Variants in CHRM3 observed in about 807,000 individuals in gnomAD.
The protein encoded by CHRM3 is cholinergic receptor muscarinic 3.
A neutral mutation model predicts 41.8 loss-of-function variants in CHRM3; 11 were observed. That is an observed-to-expected ratio of 0.26 (90% CI 0.17 to 0.44). The LOEUF is 0.44. CHRM3 is among the 20% of genes least tolerant of loss of function. The probability of loss-of-function intolerance (pLI) is 1.00; values close to 1 mark genes in which losing one functional copy is unlikely to be tolerated. For missense variants in CHRM3, 571 were observed against 745.4 expected (o/e 0.77, Z 2.72); for synonymous variants, 297 against 301.4 (o/e 0.99, Z 0.15).
chr1:239,778,877 C>T (rs549208670), intron 5 of CHRM3, among the ~76,000 whole-genome samples: 10 of 152,082 alleles, frequency 6.6e-5, no homozygotes, highest in East Asian at 1.9e-4. Context: ...TTGCAATGAC[C>T]GTATAAAGTC....
At chr1:239,792,005 T>G (rs1442338660) in intron 5 of CHRM3, among the ~76,000 whole-genome samples, 1 of 152,204 alleles carries the variant, frequency 6.6e-6, no homozygotes, top group Non-Finnish European at 1.5e-5. Flanking sequence ...AAGAGTTCAT[T>G]GAGAAGGAGA....
At chr1:239,839,070 T>C (rs1019871261) in intron 6 of CHRM3, among the ~76,000 whole-genome samples, 1 of 152,204 alleles carries the variant, frequency 6.6e-6, no homozygotes, top group Non-Finnish European at 1.5e-5. Flanking sequence ...ACATATCTTC[T>C]TCCATTCGAT....
intron 3 of CHRM3, among the ~76,000 whole-genome samples, chr1:239,566,785 G>A (rs865960796): frequency 4.6e-5 from 7 of 152,160 alleles, no homozygotes; most frequent in Admixed American, 2.0e-4. Context: ...ACTACCACGC[G>A]GAGCTGATGC....
chr1:239,758,393 G>T (rs1666413138), intron 5 of CHRM3, among the ~76,000 whole-genome samples: 1 of 152,084 alleles, frequency 6.6e-6, no homozygotes, highest in Non-Finnish European at 1.5e-5. Context: ...TGAATGTTAG[G>T]CTACGTGTAT....
intron 3 of CHRM3, among the ~76,000 whole-genome samples, chr1:239,600,693 TCC>T (rs1665410045): frequency 6.6e-6 from 1 of 151,648 alleles, no homozygotes; most frequent in African/African-American, 2.4e-5. Flanking sequence ...TCCTTTCTTC[TCC>T]CTTTCCTCCC....
chr1:239,435,436 G>A (rs1018489160), intron 1 of CHRM3, among the ~76,000 whole-genome samples: 19 of 148,678 alleles, frequency 1.3e-4, no homozygotes, highest in African/African-American at 1.5e-4. Context: ...GCGACAGAGC[G>A]AGACTCTCTC....
chr1:239,808,820 C>T (rs981787816), intron 5 of CHRM3, among the ~76,000 whole-genome samples: 50 of 152,086 alleles, frequency 3.3e-4, no homozygotes, highest in African/African-American at 1.1e-3. Context: ...CCATCAGAAA[C>T]GACTGCTTGT....
intron 4 of CHRM3, among the ~76,000 whole-genome samples, chr1:239,649,245 C>T (rs975272608): frequency 2.0e-5 from 3 of 151,948 alleles, no homozygotes; most frequent in East Asian, 1.9e-4. Context: ...CTTATTTGCC[C>T]GTTTCATCAT....
At chr1:239,404,408 GAAAA>G (rs773489004) in intron 1 of CHRM3, among the ~76,000 whole-genome samples, 978 of 38,736 alleles carry the variant, frequency 0.025, 37 homozygotes, top group Middle Eastern at 0.065. Context: ...AAGAAAGAAA[GAAAA>G]AGAAAGAAAG....
chr1:239,457,049 G>A (rs1473606323), intron 1 of CHRM3, among the ~76,000 whole-genome samples: 3 of 152,162 alleles, frequency 2.0e-5, no homozygotes, highest in Non-Finnish European at 4.4e-5. Context: ...GAAACAGCTT[G>A]TTGCTGTCAT....
intron 3 of CHRM3, among the ~76,000 whole-genome samples, chr1:239,594,463 G>C (rs1236537579): frequency 6.6e-6 from 1 of 152,198 alleles, no homozygotes; most frequent in Non-Finnish European, 1.5e-5. Flanking sequence ...TGTTGCACTA[G>C]TATATAGGTT....
Position 239,463,457 on chromosome 1 carries a change from C to T in CHRM3, c.-520-29252C>T, listed in dbSNP as rs187194659. Among the ~76,000 whole-genome samples, 83 of 152,154 alleles carry T rather than the reference C, an allele frequency of 5.5e-4. No homozygotes were observed. The Middle Eastern group carries it at 0.01, about 19-fold the overall frequency. On this transcript the variant is annotated intron_variant, in intron 1 of 6. Transcript: ENST00000676153. ...CTCTAATTCTGTGCTGGACTCAAAG[C>T]CCCCTGGATGAGCTTTTGGAATCTA...
intron 6 of CHRM3, among the ~76,000 whole-genome samples, chr1:239,898,703 C>G (rs1346532706): frequency 6.6e-6 from 1 of 152,208 alleles, no homozygotes; most frequent in Non-Finnish European, 1.5e-5. Context: ...CAAGTAGGTA[C>G]TGCCCGGTTG....
intron 6 of CHRM3, among the ~76,000 whole-genome samples, chr1:239,840,691 C>A (rs1198448398): frequency 6.6e-6 from 1 of 152,064 alleles, no homozygotes; most frequent in East Asian, 1.9e-4. Flanking sequence ...AAAGCCAAAT[C>A]AAATGAAATC....
At chr1:239,400,405 C>T (rs1197765082) in intron 1 of CHRM3, among the ~76,000 whole-genome samples, 2 of 152,072 alleles carry the variant, frequency 1.3e-5, no homozygotes, top group Non-Finnish European at 2.9e-5. Context: ...GTTTAGGTCG[C>T]CTCTTCACTT....
At chr1:239,650,974 A>G (rs1672189749) in intron 4 of CHRM3, among the ~76,000 whole-genome samples, 1 of 152,228 alleles carries the variant, frequency 6.6e-6, no homozygotes, top group Admixed American at 6.5e-5. Context: ...GTAAATTTGT[A>G]AGTATACATA....
rs577071044 is a variant in CHRM3, at chr1:239,824,521, T to G, written c.-146-2731T>G. Among the ~76,000 whole-genome samples the G allele has an allele frequency of 2.6e-5, 4 of 152,314 alleles. No homozygotes were observed. In the East Asian group the frequency reaches 7.7e-4, roughly 29 times the overall value. On this transcript the variant is annotated intron_variant, in intron 5 of 6. Transcript: ENST00000676153. ...AGATAAGCAAAAGATAATTAATGAA[T>G]ATATTGATTCTTGCTCCCTGTAAGG...
intron 1 of CHRM3, among the ~76,000 whole-genome samples, chr1:239,394,668 G>T (rs1054401894): frequency 6.6e-6 from 1 of 151,958 alleles, no homozygotes; most frequent in East Asian, 1.9e-4. Context: ...TCACCAGGGG[G>T]GTCATTCCAT....
At chr1:239,447,085 A>G (rs746348114) in intron 1 of CHRM3, among the ~76,000 whole-genome samples, 11 of 152,122 alleles carry the variant, frequency 7.2e-5, no homozygotes, top group Non-Finnish European at 1.5e-4. Context: ...ATTTAACTGG[A>G]ATCTAATTCA....
Sources: allele counts gnomAD v4.1 joint callset (sites outside exome capture counted in the v4.1 genomes callset), GRCh38; gene constraint gnomAD v4.1.1; transcripts MANE v1.5; gene names NCBI Gene and HGNC (gene_info 2026-07-23, HGNC 2026-07-21).